The following RBMS1 variants were observed in gnomAD, a reference collection of about 807,000 sequenced individuals.
RBMS1 encodes RNA-binding motif, single-stranded-interacting protein 1.
RBMS1 carries 17 observed loss-of-function variants against 62.3 expected under a neutral mutation model. The ratio of observed to expected loss-of-function variants is 0.27; its 90% CI spans 0.19 to 0.41. The LOEUF is 0.41. Ranked by LOEUF, RBMS1 falls within the 10% of genes least tolerant of loss-of-function variation. The pLI is 1.00. For missense variants in RBMS1, 334 were observed against 504.5 expected, an observed-to-expected ratio of 0.66 and a Z score of 3.24; for synonymous variants, 172 against 170.0, an observed-to-expected ratio of 1.01 and a Z score of -0.09.
At chr2:160,307,300 T>C (rs564147878) in intron 4 of RBMS1, among the ~76,000 whole-genome samples, 1 of 143,876 alleles carries the variant, frequency 7.0e-6, no homozygotes, top group Non-Finnish European at 1.5e-5. Flanking sequence ...GCTCAGAGCA[T>C]GGTGAAGCTC....
intron 2 of RBMS1, among the ~76,000 whole-genome samples, chr2:160,339,635 T>C (rs973691721): frequency 1.3e-5 from 2 of 152,168 alleles, no homozygotes; most frequent in African/African-American, 4.8e-5. Context: ...GCAAAATGAA[T>C]ATAGTCTATA....
intron 4 of RBMS1, among the ~76,000 whole-genome samples, chr2:160,312,628 A>C (rs1457135943): frequency 6.6e-6 from 1 of 152,140 alleles, no homozygotes; most frequent in Admixed American, 6.6e-5. Flanking sequence ...ATACCTAAAA[A>C]TGTCTCACTA....
chr2:160,332,772 A>G (rs1005860967), intron 2 of RBMS1, among the ~76,000 whole-genome samples: 1 of 152,034 alleles, frequency 6.6e-6, no homozygotes, highest in Non-Finnish European at 1.5e-5. Context: ...ATACTAGAAA[A>G]TCACTGAAGA....
At chr2:160,415,363 G>A (rs1354744250) in intron 1 of RBMS1, among the ~76,000 whole-genome samples, 1 of 152,056 alleles carries the variant, frequency 6.6e-6, no homozygotes, top group East Asian at 1.9e-4. Flanking sequence ...ATGTATGTGA[G>A]CAAACTGTGG....
intron 2 of RBMS1, among the ~76,000 whole-genome samples, chr2:160,330,781 T>A (rs1249615512): frequency 6.6e-6 from 1 of 152,112 alleles, no homozygotes; most frequent in Non-Finnish European, 1.5e-5. Flanking sequence ...CTGTTATGGG[T>A]TGAACTGTGT....
intron 6 of RBMS1, among the ~76,000 whole-genome samples, chr2:160,293,628 G>T (rs1574228623): frequency 6.6e-6 from 1 of 152,278 alleles, no homozygotes; most frequent in African/African-American, 2.4e-5. Context: ...AAATCATACT[G>T]TCTCCTGCAG....
In RBMS1 at chr2:160,281,340, G is replaced by A. The variant is rs749949364; in HGVS notation, c.925C>T (p.Pro309Ser). ...YQVQSPSWMQ[P>S]QPYILQHPGA... Reference sequence around the variant, plus strand: ...GGGTGCTGTAGAATATATGGTTGAGGTTGCATCCACGAAGGACTTTGCACC... The same window carrying A: ...GGGTGCTGTAGAATATATGGTTGAGATTGCATCCACGAAGGACTTTGCACC... Residue 309 changes from proline to serine, a missense_variant, in exon 10 of 14, where the codon CCT (proline) becomes TCT (serine). Pro to Ser is a moderately conservative substitution (Grantham distance 74). Around this residue, in one of 3 missense-constraint regions of RBMS1, gnomAD observed 182 missense variants for 257.7 expected, o/e 0.71. Transcript: ENST00000348849. The A allele has an allele frequency of 2.5e-6, 4 of 1,610,044 alleles. No individual in the cohort carries two copies. Among genetic ancestry groups the A allele is most frequent in the South Asian group, 1.1e-5 (1 of 90,376 alleles).
intron 1 of RBMS1, among the ~76,000 whole-genome samples, chr2:160,379,553 T>C (rs889412945): frequency 6.6e-6 from 1 of 152,232 alleles, no homozygotes; most frequent in African/African-American, 2.4e-5. Flanking sequence ...TCATCTCTTC[T>C]GAAGCAGATA....
At chr2:160,380,274 ACCC>A (rs1432010189) in intron 1 of RBMS1, among the ~76,000 whole-genome samples, 1 of 151,894 alleles carries the variant, frequency 6.6e-6, no homozygotes, top group Non-Finnish European at 1.5e-5. Context: ...CTCTCTGCCC[ACCC>A]CCACCTAAGC....
At chr2:160,441,673 AT>A (rs1462458751) in intron 1 of RBMS1, among the ~76,000 whole-genome samples, 3 of 152,236 alleles carry the variant, frequency 2.0e-5, no homozygotes, top group Non-Finnish European at 4.4e-5. Context: ...GCAGTGAGCT[AT>A]GCTCACACCA....
chr2:160,342,186 A>G (rs573912916), intron 2 of RBMS1, among the ~76,000 whole-genome samples: 2 of 152,276 alleles, frequency 1.3e-5, no homozygotes, highest in South Asian at 2.1e-4. Context: ...ATCTAAATCT[A>G]TGTTCCCATA....
At chr2:160,419,746 C>A (rs551029919) in intron 1 of RBMS1, among the ~76,000 whole-genome samples, 113 of 152,268 alleles carry the variant, frequency 7.4e-4, no homozygotes, top group African/African-American at 2.6e-3. Flanking sequence ...TATAAGTTTT[C>A]TTTTAAATAA....
chr2:160,382,168 T>C (rs1165730465), intron 1 of RBMS1, among the ~76,000 whole-genome samples: 9 of 152,182 alleles, frequency 5.9e-5, no homozygotes, highest in Admixed American at 5.9e-4. Flanking sequence ...AAATGTTATA[T>C]GTTGAACACC....
chr2:160,352,085 A>G (rs542563385), intron 2 of RBMS1, among the ~76,000 whole-genome samples: 2 of 152,310 alleles, frequency 1.3e-5, no homozygotes, highest in East Asian at 1.9e-4. Context: ...AAGCTGACTC[A>G]TAACTTCTTA....
chr2:160,449,071 T>A (rs1455642459), intron 1 of RBMS1, among the ~76,000 whole-genome samples: 1 of 150,986 alleles, frequency 6.6e-6, no homozygotes, highest in Admixed American at 6.6e-5. Context: ...CTGCCCCGTC[T>A]GGGAAGTGAG....
At chr2:160,307,790 G>A (rs1390860637) in intron 4 of RBMS1, among the ~76,000 whole-genome samples, 2 of 152,146 alleles carry the variant, frequency 1.3e-5, no homozygotes. Flanking sequence ...CTGCCACATG[G>A]CAGGTACCAG....
chr2:160,472,188 T>G (rs1007978558), intron 1 of RBMS1, among the ~76,000 whole-genome samples: 4 of 152,166 alleles, frequency 2.6e-5, no homozygotes, highest in Non-Finnish European at 5.9e-5. Flanking sequence ...TCAGTTGACA[T>G]AACTATATTT....
At chr2:160,395,386 A>G (rs1318366464) in intron 1 of RBMS1, among the ~76,000 whole-genome samples, 1 of 152,220 alleles carries the variant, frequency 6.6e-6, no homozygotes, top group Non-Finnish European at 1.5e-5. Context: ...GCACTTTGGG[A>G]GGCCGAGGCG....
At chr2:160,438,966 G>A (rs1367748436) in intron 1 of RBMS1, among the ~76,000 whole-genome samples, 32 of 150,194 alleles carry the variant, frequency 2.1e-4, no homozygotes, top group Non-Finnish European at 4.6e-4. Context: ...AGGGGCGGCC[G>A]GGCAGAGGCG....
Sources: allele counts gnomAD v4.1 joint callset (sites outside exome capture counted in the v4.1 genomes callset), GRCh38; gene constraint gnomAD v4.1.1; regional missense constraint gnomAD v4.1.1; transcripts MANE v1.5; gene names NCBI Gene and HGNC (gene_info 2026-07-23, HGNC 2026-07-21).